The following LYPD1 variants were observed in gnomAD, a reference collection of about 807,000 sequenced individuals.
LYPD1 encodes ly6/PLAUR domain-containing protein 1.
A neutral mutation model predicts 14.2 loss-of-function variants in LYPD1; 14 were observed. The ratio of observed to expected loss-of-function variants is 0.99; its 90% CI spans 0.65 to 1.54. LYPD1 has a LOEUF of 1.54. Ranked by LOEUF, LYPD1 falls within the 40% of genes most tolerant of loss-of-function variation. The probability of loss-of-function intolerance (pLI) is 0.00; values close to 1 mark genes in which losing one functional copy is unlikely to be tolerated. For synonymous variants in LYPD1, 85 were observed against 70.6 expected, an observed-to-expected ratio of 1.20 and a Z score of -1.02; for missense variants, 165 against 175.7, an observed-to-expected ratio of 0.94 and a Z score of 0.34.
At position 132,669,969 on chromosome 2, in the gene LYPD1, A is replaced by T. The variant is rs777725732; in HGVS notation, c.-37T>A. Reference sequence around the variant, plus strand: ...CCCGGGGCCGGGAGAGGGCAAGCGCATCAGAGGAGGCGACAGCAGCGGAGG... The same window carrying T: ...CCCGGGGCCGGGAGAGGGCAAGCGCTTCAGAGGAGGCGACAGCAGCGGAGG... On this transcript the variant is annotated 5_prime_UTR_variant, in exon 1 of 3. The change abolishes an upstream ATG in the 5' untranslated region. Transcript: ENST00000397463. The surrounding 1 kb of genome is among the most constrained non-coding windows in gnomAD (Gnocchi z 4.3). 6.2e-7 allele frequency: 1 copy of T among 1,607,774 alleles called. No individual in the cohort carries two copies. Among genetic ancestry groups the T allele is most frequent in the Non-Finnish European group, 8.5e-7 (1 of 1,178,482 alleles).
In LYPD1 at chr2:132,645,091, G is replaced by A. The variant is rs771562914; in HGVS notation, c.*954C>T. The A allele has an allele frequency of 1.2e-6, 2 of 1,603,288 alleles. No individual in the cohort carries two copies. Among genetic ancestry groups the A allele is most frequent in the Admixed American group, 1.7e-5 (1 of 59,336 alleles). On this transcript the variant is annotated 3_prime_UTR_variant, in exon 3 of 3. Coordinates refer to ENST00000397463, the MANE Select transcript of LYPD1 (RefSeq NM_144586.7). ...TTCTCTGTCTCTCCCTCCTGCTCGT[G>A]TCTGCCCAGGGCTGATTGTTGTGAC...
intron 2 of LYPD1, among the ~76,000 whole-genome samples, chr2:132,660,075 G>A (rs1188816974): frequency 2.0e-5 from 3 of 152,180 alleles, no homozygotes; most frequent in African/African-American, 4.8e-5. Context: ...TGCCTGGCGC[G>A]GCCCGCCTCT....
intron 2 of LYPD1, among the ~76,000 whole-genome samples, chr2:132,659,691 T>C (rs998661317): frequency 1.3e-5 from 2 of 152,226 alleles, no homozygotes; most frequent in Non-Finnish European, 2.9e-5. Flanking sequence ...CCTCCAGGTG[T>C]GGCTCCGGCC....
Position 132,665,732 on chromosome 2 carries a change from G to A in LYPD1, c.190+2668C>T, listed in dbSNP as rs560428284. Among the ~76,000 whole-genome samples the A allele has an allele frequency of 1.2e-4, 18 of 152,236 alleles. No individual in the cohort carries two copies. The South Asian group carries it at 1.7e-3, about 14-fold the overall frequency. ...TTTTGTCCAGATCAGTTCTCAACTC[G>A]GGTCACCCCAGAATCATTGGGAAGT... On this transcript the variant is annotated intron_variant, in intron 2 of 2. Transcript: ENST00000397463.
chr2:132,645,287 CGCAGCAGTTTCGGCGGGTGTTCGT>C lies in LYPD1; in HGVS notation c.*734_*757del. 1 of 1,614,220 alleles carries C rather than the reference CGCAGCAGTTTCGGCGGGTGTTCGT, an allele frequency of 6.2e-7. No individual in the cohort carries two copies. Among genetic ancestry groups the C allele is most frequent in the Non-Finnish European group, 8.5e-7 (1 of 1,180,030 alleles). On this transcript the variant is annotated 3_prime_UTR_variant, in exon 3 of 3. Transcript: ENST00000397463. The stretch of plus-strand genomic sequence containing the variant: ...AACCCGCTCCTGTACACGGTGTCCT[CGCAGCAGTTTCGGCGGGTGTTCGT>C]GCAGGTGCTGTGCTGCCGCCTGTCG...
At position 132,670,069 on chromosome 2, in the gene LYPD1, G is replaced by T. The variant is rs1241940544; in HGVS notation, c.-137C>A. ...TGCTGCCGCGGAGACGACGGTCGTA[G>T]CTTAGAGGAGCCGCAGGTGCCGCTC... is the stretch of plus-strand genomic sequence containing the variant. On this transcript the variant is annotated 5_prime_UTR_variant, in exon 1 of 3. Coordinates refer to ENST00000397463, the MANE Select transcript of LYPD1 (RefSeq NM_144586.7). The surrounding 1 kb of genome is among the most constrained non-coding windows in gnomAD (Gnocchi z 4.5). 6.7e-7 allele frequency: 1 copy of T among 1,503,190 alleles called. No individual in the cohort carries two copies. Among genetic ancestry groups the T allele is most frequent in the Admixed American group, 2.2e-5 (1 of 45,896 alleles). 93.1% of individuals were successfully genotyped at this position (1,503,190 alleles called of 1,614,324 possible). A position where few individuals can be genotyped will look rare whatever the true frequency, so the allele number is the denominator to read the frequency against.
At chr2:132,657,406 G>C (rs1311307243) in intron 2 of LYPD1, among the ~76,000 whole-genome samples, 1 of 152,164 alleles carries the variant, frequency 6.6e-6, no homozygotes, top group Non-Finnish European at 1.5e-5. Context: ...AAGCTGTGCT[G>C]TTGCATTTCT....
At position 132,669,873 on chromosome 2, in the gene LYPD1, A is replaced by T. The variant is rs1434451450; in HGVS notation, c.52+8T>A. On this transcript the variant is annotated splice_region_variant and intron_variant, in intron 1 of 2. Transcript: ENST00000397463. The surrounding 1 kb of genome is among the most constrained non-coding windows in gnomAD (Gnocchi z 4.3). ...TGGCCTCGGCTGCTGGCCTCTGGGT[A>T]TTCTCACCTGGAAGCAAGAACAATC... The T allele has an allele frequency of 6.2e-7, 1 of 1,612,412 alleles. No homozygotes were observed. The highest frequency in any genetic ancestry group is 8.5e-7 in the Non-Finnish European group (1 of 1,179,174).
At chr2:132,660,113 C>T (rs553950768) in intron 2 of LYPD1, among the ~76,000 whole-genome samples, 1 of 152,342 alleles carries the variant, frequency 6.6e-6, no homozygotes, top group Admixed American at 6.5e-5. Context: ...TTCCACTGTG[C>T]TCACAAAGAA....
chr2:132,667,957 A>G (rs1301267766), intron 2 of LYPD1, among the ~76,000 whole-genome samples: 2 of 152,226 alleles, frequency 1.3e-5, no homozygotes, highest in East Asian at 3.9e-4. Flanking sequence ...GTGTTCTTCA[A>G]GGAAATATGG....
rs781714098 is a variant in LYPD1 at position 132,645,346 on chromosome 2, G to A, written c.*699C>T. Reference sequence around the variant, plus strand: ...GTGCTGCCGCCTGTCGCTGCAGCACGCCAACCACGAGAAGCGCCTGCGCGT... The same window carrying A: ...GTGCTGCCGCCTGTCGCTGCAGCACACCAACCACGAGAAGCGCCTGCGCGT... On this transcript the variant is annotated 3_prime_UTR_variant, in exon 3 of 3. Coordinates refer to ENST00000397463, the MANE Select transcript of LYPD1 (RefSeq NM_144586.7). 11 of 1,613,982 alleles carry A rather than the reference G, an allele frequency of 6.8e-6. No individual in the cohort carries two copies. The African/African-American group carries it at 8.0e-5, about 12-fold the overall frequency.
chr2:132,665,679 T>G (rs1170479297), intron 2 of LYPD1, among the ~76,000 whole-genome samples: 1 of 152,224 alleles, frequency 6.6e-6, no homozygotes. Flanking sequence ...TTCCTGGACC[T>G]TGCTTTCTTC....
intron 2 of LYPD1, among the ~76,000 whole-genome samples, chr2:132,655,404 T>C (rs1038071653): frequency 6.6e-6 from 1 of 152,098 alleles, no homozygotes; most frequent in Admixed American, 6.6e-5. Flanking sequence ...AGAAAGAAGG[T>C]TGATAACCAT....
upstream of LYPD1, among the ~76,000 whole-genome samples, chr2:132,670,784 C>G (rs753986784): frequency 1.3e-5 from 2 of 151,986 alleles, no homozygotes; most frequent in Non-Finnish European, 2.9e-5. The surrounding 1 kb of genome is among the most constrained non-coding windows in gnomAD (Gnocchi z 4.5). Flanking sequence ...TGTCAAGAAC[C>G]AGCTCGGCGT....
chr2:132,658,468 C>T (rs1260221786), intron 2 of LYPD1, among the ~76,000 whole-genome samples: 1 of 152,142 alleles, frequency 6.6e-6, no homozygotes, highest in African/African-American at 2.4e-5. Context: ...CTGCTTGATG[C>T]CTAGGAGCTG....
Position 132,669,706 on chromosome 2 carries a change from G to A in LYPD1, c.52+175C>T, listed in dbSNP as rs1468427032. On this transcript the variant is annotated intron_variant, in intron 1 of 2. Transcript: ENST00000397463. This position sits in a 1 kb window ranked among gnomAD's most constrained non-coding sequence, Gnocchi z 4.3. ...TCCCCGCTCTCCTCCTGCAGCGCGG[G>A]ACTTGGACACTTTCCCAGCCTCGCG... The A allele has an allele frequency of 3.8e-6, 5 of 1,327,510 alleles. No homozygotes were observed. Among genetic ancestry groups the A allele is most frequent in the Non-Finnish European group, 5.0e-6 (5 of 1,006,770 alleles). 82.2% of individuals were successfully genotyped at this position (1,327,510 alleles called of 1,614,324 possible). A position where few individuals can be genotyped will look rare whatever the true frequency, so the allele number is the denominator to read the frequency against.
Position 132,645,397 on chromosome 2 carries a change from GC to G in LYPD1, c.*647del. On this transcript the variant is annotated 3_prime_UTR_variant, in exon 3 of 3. Coordinates refer to ENST00000397463, the MANE Select transcript of LYPD1 (RefSeq NM_144586.7). ...ACATGCGCACTCCACCACCGACAGCGCCCGCTTTGTGCAGCGCCCGTTGCTC... is the reference window on the plus strand; with the variant it reads ...ACATGCGCACTCCACCACCGACAGCGCCGCTTTGTGCAGCGCCCGTTGCTC... The G allele has an allele frequency of 3.7e-6, 6 of 1,613,622 alleles. No homozygotes were observed. The highest frequency in any genetic ancestry group is 5.1e-6 in the Non-Finnish European group (6 of 1,180,008).
rs1683560077 is a variant in LYPD1 at position 132,669,954 on chromosome 2, G to A, written c.-22C>T. 2 of 1,611,100 alleles carry A rather than the reference G, an allele frequency of 1.2e-6. No homozygotes were observed. The highest frequency in any genetic ancestry group is 1.7e-6 in the Non-Finnish European group (2 of 1,179,200). On this transcript the variant is annotated 5_prime_UTR_variant, in exon 1 of 3. Transcript: ENST00000397463. The surrounding 1 kb of genome is among the most constrained non-coding windows in gnomAD (Gnocchi z 4.3). ...ACATTCTCCCGGAGTCCCGGGGCCGGGAGAGGGCAAGCGCATCAGAGGAGG... is the reference window on the plus strand; with the variant it reads ...ACATTCTCCCGGAGTCCCGGGGCCGAGAGAGGGCAAGCGCATCAGAGGAGG...
At chr2:132,650,725 AAAC>A (rs1682331051) in intron 2 of LYPD1, among the ~76,000 whole-genome samples, 1 of 104,438 alleles carries the variant, frequency 9.6e-6, no homozygotes. Flanking sequence ...TAAAAAAAAA[AAAC>A]AAAAAACAAA....
Sources: gnomAD v4.1 joint callset for allele counts (sites outside exome capture counted in the v4.1 genomes callset) on GRCh38, gnomAD v4.1.1 for gene constraint, Gnocchi (gnomAD v3.1) non-coding constraint, MANE v1.5 for transcripts, NCBI Gene and HGNC (gene_info 2026-07-23, HGNC 2026-07-21) for gene names.